Variants in CTNNA1 observed in about 807,000 individuals in gnomAD.
CTNNA1 encodes the protein catenin alpha-1.
Under a neutral mutation model 98.4 loss-of-function variants are expected in CTNNA1, and 37 were observed. The ratio of observed to expected loss-of-function variants is 0.38; its 90% CI spans 0.29 to 0.49. CTNNA1 has a LOEUF of 0.49. Ranked by LOEUF, CTNNA1 falls within the 20% of genes least tolerant of loss-of-function variation. The pLI, the probability that CTNNA1 is intolerant of heterozygous loss-of-function variation, is 0.95. For synonymous variants in CTNNA1, 404 were observed against 413.2 expected, an observed-to-expected ratio of 0.98 and a Z score of 0.27; for missense variants, 761 against 1,147.2, an observed-to-expected ratio of 0.66 and a Z score of 4.86.
At chr5:138,777,045 C>T (rs1264062306) in intron 1 of CTNNA1, among the ~76,000 whole-genome samples, 2 of 152,204 alleles carry the variant, frequency 1.3e-5, no homozygotes, top group Non-Finnish European at 2.9e-5. Flanking sequence ...GGCAGAGACG[C>T]TCCTCACTTC....
intron 5 of CTNNA1, among the ~76,000 whole-genome samples, chr5:138,819,336 TTACTC>T (rs1759778187): frequency 6.6e-6 from 1 of 152,158 alleles, no homozygotes; most frequent in African/African-American, 2.4e-5. Context: ...AGCACAGCGA[TTACTC>T]TACTCTGCAA....
chr5:138,895,715 G>A (rs1005880731), intron 9 of CTNNA1, among the ~76,000 whole-genome samples: 4 of 151,984 alleles, frequency 2.6e-5, no homozygotes, highest in African/African-American at 7.3e-5. Flanking sequence ...TACTAAATAC[G>A]TATTTTATAT....
chr5:138,916,101 CAT>C (rs936627738), intron 10 of CTNNA1, among the ~76,000 whole-genome samples: 6 of 146,836 alleles, frequency 4.1e-5, no homozygotes, highest in South Asian at 2.2e-4. Flanking sequence ...CAAAAGTCCA[CAT>C]GTTACATGAT....
chr5:138,834,632 G>A (rs1240285456), intron 7 of CTNNA1, among the ~76,000 whole-genome samples: 2 of 152,088 alleles, frequency 1.3e-5, no homozygotes, highest in African/African-American at 2.4e-5. Flanking sequence ...ACATCTTAAT[G>A]GTGGCAGAGT....
At chr5:138,792,605 G>T (rs560193617) in intron 3 of CTNNA1, among the ~76,000 whole-genome samples, 1 of 152,316 alleles carries the variant, frequency 6.6e-6, no homozygotes, top group East Asian at 1.9e-4. Flanking sequence ...GTGTGGGTGT[G>T]TGTGAGAGAG....
rs142165459 is a variant in CTNNA1, at chr5:138,893,086, G to A, written c.1296+5444G>A. Among the ~76,000 whole-genome samples, 1,117 of 152,268 alleles carry A rather than the reference G, an allele frequency of 7.3e-3. 7 individuals are homozygous for A. Among genetic ancestry groups the A allele is most frequent in the Middle Eastern group, 0.014 (4 of 294 alleles). On this transcript the variant is annotated intron_variant, in intron 9 of 17. Transcript: ENST00000302763. ...TGGCTCTTGTACTTTTGTTGATCTA[G>A]ATGATTTCCCTGAGCCTTTTAGAGG... is the stretch of plus-strand genomic sequence containing the variant.
intron 1 of CTNNA1, among the ~76,000 whole-genome samples, chr5:138,758,210 AT>A (rs1014959018): frequency 3.5e-5 from 5 of 142,136 alleles, no homozygotes; most frequent in African/African-American, 7.9e-5. Flanking sequence ...ATTTATTTTT[AT>A]TTTTTTTTGA....
At chr5:138,775,003 C>G (rs540933363) in intron 1 of CTNNA1, among the ~76,000 whole-genome samples, 1 of 152,146 alleles carries the variant, frequency 6.6e-6, no homozygotes, top group East Asian at 1.9e-4. Flanking sequence ...GTTTTTTGTT[C>G]AAGAAAAAAA....
At chr5:138,767,257 C>T (rs535315504) in intron 1 of CTNNA1, among the ~76,000 whole-genome samples, 6 of 152,240 alleles carry the variant, frequency 3.9e-5, no homozygotes, top group Admixed American at 2.0e-4. Context: ...AGGATGGTCT[C>T]GATCTCCTGA....
In CTNNA1 at chr5:138,933,864, A is replaced by G. The variant is rs746009287; in HGVS notation, c.2496A>G (p.Thr832=). Residue 832 remains threonine (T), a synonymous_variant, in exon 18 of 18, where the codon ACA becomes ACG. Transcript: ENST00000302763. The part of the protein sequence containing the change: ...AKNLMNAVVQ[T]VKASYVASTK... The stretch of plus-strand genomic sequence containing the variant: ...ACTTGATGAATGCTGTGGTGCAGAC[A>G]GTGAAGGCATCCTACGTCGCCTCTA... The G allele has an allele frequency of 1.2e-6, 2 of 1,614,192 alleles. No homozygotes were observed. The highest frequency in any genetic ancestry group is 1.1e-5 in the South Asian group (1 of 91,084).
At chr5:138,787,753 T>C (rs892579931) in intron 3 of CTNNA1, among the ~76,000 whole-genome samples, 1 of 152,230 alleles carries the variant, frequency 6.6e-6, no homozygotes, top group African/African-American at 2.4e-5. Context: ...TACACAGTTT[T>C]TGATGTGTAA....
intron 3 of CTNNA1, among the ~76,000 whole-genome samples, chr5:138,787,599 G>T (rs955000682): frequency 2.0e-5 from 3 of 152,178 alleles, no homozygotes; most frequent in African/African-American, 7.2e-5. Flanking sequence ...GGCTGTTAAA[G>T]ATATGAGCTT....
chr5:138,933,453 T>C (rs1765847390), intron 17 of CTNNA1, among the ~76,000 whole-genome samples: 1 of 152,214 alleles, frequency 6.6e-6, no homozygotes, highest in African/African-American at 2.4e-5. Flanking sequence ...TAAACATCCC[T>C]GTCTCGATTC....
At chr5:138,898,288 G>A (rs1471684345) in intron 9 of CTNNA1, among the ~76,000 whole-genome samples, 2 of 151,678 alleles carry the variant, frequency 1.3e-5, no homozygotes, top group Admixed American at 1.3e-4. Flanking sequence ...TTTCTGTACA[G>A]CCTGCAGAAC....
chr5:138,777,061 C>A (rs1420060993), intron 1 of CTNNA1, among the ~76,000 whole-genome samples: 2 of 151,346 alleles, frequency 1.3e-5, no homozygotes, highest in Non-Finnish European at 2.9e-5. Flanking sequence ...ACTTCCCAGA[C>A]GGGGTGGCTG....
intron 1 of CTNNA1, among the ~76,000 whole-genome samples, chr5:138,758,411 C>T (rs1000355250): frequency 1.5e-4 from 23 of 150,108 alleles, no homozygotes; most frequent in African/African-American, 5.4e-4. Context: ...CGGAGTCTCG[C>T]TCTGTCACCA....
rs141960230 is a variant in CTNNA1, at chr5:138,799,025, C to G, written c.302-11013C>G. 1.1e-3 allele frequency among the ~76,000 whole-genome samples: 173 copies of G among 151,860 alleles called. 1 individual carries two copies. Among genetic ancestry groups the G allele is most frequent in the African/African-American group, 3.9e-3 (160 of 41,386 alleles). On this transcript the variant is annotated intron_variant, in intron 3 of 17. Transcript: ENST00000302763. Reference sequence around the variant, plus strand: ...AAATTTTTTTTGAGATGGAGTCTTACTCTGTCACCCAGGCCACTGTGCCTG... The same window carrying G: ...AAATTTTTTTTGAGATGGAGTCTTAGTCTGTCACCCAGGCCACTGTGCCTG...
chr5:138,785,744 A>T (rs1374964670), intron 3 of CTNNA1, among the ~76,000 whole-genome samples: 1 of 151,984 alleles, frequency 6.6e-6, no homozygotes, highest in African/African-American at 2.4e-5. Flanking sequence ...TATTTTTAGT[A>T]TAGTATAGTG....
chr5:138,870,716 AGTTGT>A (rs1765257081), intron 7 of CTNNA1: 1 of 152,216 alleles, frequency 6.6e-6, no homozygotes, highest in South Asian at 2.1e-4. Context: ...CTCAGGACAC[AGTTGT>A]GTTGTGACCA....
Sources: gnomAD v4.1 joint callset for allele counts (sites outside exome capture counted in the v4.1 genomes callset) on GRCh38, gnomAD v4.1.1 for gene constraint, MANE v1.5 for transcripts, NCBI Gene and HGNC (gene_info 2026-07-23, HGNC 2026-07-21) for gene names.